The following SHROOM3 variants were observed in gnomAD, a reference collection of about 807,000 sequenced individuals.
The protein encoded by SHROOM3 is protein Shroom3.
SHROOM3 carries 47 observed loss-of-function variants against 138.6 expected under a neutral mutation model. The ratio of observed to expected loss-of-function variants is 0.34; its 90% CI spans 0.27 to 0.43. The LOEUF is 0.43. Ranked by LOEUF, SHROOM3 falls within the 20% of genes least tolerant of loss-of-function variation. SHROOM3 has a pLI of 1.00. For synonymous variants in SHROOM3, 1,062 were observed against 1,063.3 expected (o/e 1.00, Z 0.02); for missense variants, 2,491 against 2,596.5 (o/e 0.96, Z 0.88).
chr4:76,497,322 G>A (rs1405157845), intron 1 of SHROOM3, among the ~76,000 whole-genome samples: 1 of 152,170 alleles, frequency 6.6e-6, no homozygotes, highest in Non-Finnish European at 1.5e-5. Flanking sequence ...TTGTGTTTCA[G>A]TAATCTCTTT....
chr4:76,594,963 C>T (rs1734350153), intron 2 of SHROOM3, among the ~76,000 whole-genome samples: 1 of 152,160 alleles, frequency 6.6e-6, no homozygotes, highest in African/African-American at 2.4e-5. Context: ...TATAGGAAGC[C>T]AGGAACACCT....
intron 1 of SHROOM3, among the ~76,000 whole-genome samples, chr4:76,471,531 C>T (rs534791637): frequency 4.5e-4 from 68 of 152,144 alleles, no homozygotes; most frequent in Non-Finnish European, 8.4e-4. Flanking sequence ...CATGAGCCAC[C>T]GCGCCCAGCC....
At chr4:76,560,254 T>C (rs1442787501) in intron 2 of SHROOM3, among the ~76,000 whole-genome samples, 1 of 152,166 alleles carries the variant, frequency 6.6e-6, no homozygotes, top group Admixed American at 6.5e-5. Context: ...CAGGTTTAAT[T>C]TATCATCCCT....
intron 1 of SHROOM3, among the ~76,000 whole-genome samples, chr4:76,520,211 A>G (rs1405211032): frequency 6.6e-6 from 1 of 152,180 alleles, no homozygotes; most frequent in African/African-American, 2.4e-5. Flanking sequence ...TTGATATTAT[A>G]TCTCTTTCCA....
chr4:76,524,676 G>A (rs1183201212), intron 1 of SHROOM3, among the ~76,000 whole-genome samples: 1 of 152,200 alleles, frequency 6.6e-6, no homozygotes, highest in Non-Finnish European at 1.5e-5. Context: ...AGGATTCCCA[G>A]AAAACAGGTT....
intron 3 of SHROOM3, among the ~76,000 whole-genome samples, chr4:76,730,023 C>G (rs1004275527): frequency 6.6e-6 from 1 of 152,116 alleles, no homozygotes; most frequent in Non-Finnish European, 1.5e-5. Flanking sequence ...GATTACCTGA[C>G]TTTTTTTGCC....
intron 2 of SHROOM3, among the ~76,000 whole-genome samples, chr4:76,693,228 A>C (rs544873101): frequency 6.6e-6 from 1 of 152,216 alleles, no homozygotes; most frequent in African/African-American, 2.4e-5. Context: ...AGGCACTGTG[A>C]TAAATATAAT....
intron 2 of SHROOM3, among the ~76,000 whole-genome samples, chr4:76,678,835 T>C (rs565950333): frequency 6.6e-6 from 1 of 152,266 alleles, no homozygotes; most frequent in Admixed American, 6.5e-5. Flanking sequence ...TAATTTTTTG[T>C]ATTTTAAGTA....
At chr4:76,742,559 G>GA (rs748602152) in intron 5 of SHROOM3, among the ~76,000 whole-genome samples, 3 of 152,108 alleles carry the variant, frequency 2.0e-5, no homozygotes, top group African/African-American at 4.8e-5. Flanking sequence ...GGTGAGGAGA[G>GA]AAAATAAGAA....
chr4:76,770,693 C>G lies in SHROOM3; in HGVS notation c.5417C>G (p.Thr1806Arg). The stretch of plus-strand genomic sequence containing the variant: ...CAGGAGGCGAAGGGGAGCCTGCTCA[C>G]GGACATCAAGCTCAACAACGCCCTG... ...TLQEAKGSLL[T>R]DIKLNNALGE... The change falls in exon 10 of 11, where the codon ACG becomes AGG. Residue 1806 changes from threonine (T) to arginine (R), a missense_variant. This residue lies in a region of SHROOM3 where 470 missense variants were observed against 595.0 expected (regional missense o/e 0.79). Transcript: ENST00000296043. The G allele has an allele frequency of 6.2e-7, 1 of 1,614,164 alleles. No individual in the cohort carries two copies. The highest frequency in any genetic ancestry group is 8.5e-7 in the Non-Finnish European group (1 of 1,180,042).
Position 76,754,749 on chromosome 4 carries a change from G to C in SHROOM3, c.4266G>C (p.Leu1422=). The C allele has an allele frequency of 6.2e-7, 1 of 1,614,200 alleles. No individual in the cohort carries two copies. Among genetic ancestry groups the C allele is most frequent in the Non-Finnish European group, 8.5e-7 (1 of 1,180,012 alleles). The change falls in exon 7 of 11, where the codon CTG becomes CTC. Residue 1422 remains leucine, a synonymous_variant. Transcript: ENST00000296043. ...VEEGTRKRVS[L]PQWPPPSRAK... ...AGGGAACGAGGAAGAGGGTCTCGCT[G>C]CCTCAGTGGCCACCTCCTTCTCGAG...
chr4:76,643,068 G>A (rs569154044), intron 2 of SHROOM3, among the ~76,000 whole-genome samples: 8 of 152,100 alleles, frequency 5.3e-5, no homozygotes, highest in South Asian at 2.1e-4. Flanking sequence ...GTAGCCGGCC[G>A]TAGTGGTGCA....
At chr4:76,466,450 G>C (rs138530716) in intron 1 of SHROOM3, among the ~76,000 whole-genome samples, 355 of 152,296 alleles carry the variant, frequency 2.3e-3, no homozygotes, top group Non-Finnish European at 4.0e-3. Context: ...TAGATTGGTT[G>C]CAGAAACTGT....
intron 3 of SHROOM3, among the ~76,000 whole-genome samples, chr4:76,720,862 G>A (rs918694933): frequency 5.3e-5 from 8 of 150,888 alleles, no homozygotes; most frequent in African/African-American, 1.7e-4. Flanking sequence ...CGCCCACCTC[G>A]GCCTCCCAAA....
chr4:76,521,953 G>A (rs1317751030), intron 1 of SHROOM3, among the ~76,000 whole-genome samples: 1 of 152,100 alleles, frequency 6.6e-6, no homozygotes, highest in Non-Finnish European at 1.5e-5. Context: ...TCATCTTGTG[G>A]TTCCTGCCAA....
intron 2 of SHROOM3, among the ~76,000 whole-genome samples, chr4:76,649,622 CAGAA>C (rs2110087595): frequency 6.6e-6 from 1 of 152,236 alleles, no homozygotes; most frequent in East Asian, 1.9e-4. Flanking sequence ...AGACAAATAT[CAGAA>C]GGATAACTCT....
chr4:76,619,682 G>C (rs1734955047), intron 2 of SHROOM3, among the ~76,000 whole-genome samples: 1 of 152,186 alleles, frequency 6.6e-6, no homozygotes, highest in African/African-American at 2.4e-5. Flanking sequence ...TAATGGTTTA[G>C]AGGAAAAGTG....
chr4:76,639,525 C>G (rs1390450009), intron 2 of SHROOM3: 1 of 398,476 alleles, frequency 2.5e-6, no homozygotes, highest in Non-Finnish European at 4.4e-6. Context: ...GGCTGCCCTC[C>G]TCTCCCATGC....
chr4:76,768,002 G>A (rs1434289412), intron 9 of SHROOM3, among the ~76,000 whole-genome samples: 1 of 152,198 alleles, frequency 6.6e-6, no homozygotes, highest in Non-Finnish European at 1.5e-5. Flanking sequence ...CAGTGATAAT[G>A]TTTTGCCCCA....
Sources: allele counts gnomAD v4.1 joint callset (sites outside exome capture counted in the v4.1 genomes callset), GRCh38; gene constraint gnomAD v4.1.1; regional missense constraint gnomAD v4.1.1; transcripts MANE v1.5; gene names NCBI Gene and HGNC (gene_info 2026-07-23, HGNC 2026-07-21).